SH3KBP1: variants seen among roughly 807,000 people sequenced by gnomAD.
The protein encoded by SH3KBP1 is SH3 domain-containing kinase-binding protein 1.
SH3KBP1 carries 8 observed loss-of-function variants against 50.1 expected under a neutral mutation model. That is an observed-to-expected ratio of 0.16 (90% CI 0.09 to 0.29). The LOEUF is 0.29. SH3KBP1 is among the 10% of genes least tolerant of loss of function. The probability of loss-of-function intolerance (pLI) is 1.00; values close to 1 mark genes in which losing one functional copy is unlikely to be tolerated. For missense variants in SH3KBP1, 377 were observed against 535.2 expected, an observed-to-expected ratio of 0.70 and a Z score of 2.92; for synonymous variants, 227 against 218.6, an observed-to-expected ratio of 1.04 and a Z score of -0.34.
chrX:19,865,476 G>A (rs1166242649), intron 1 of SH3KBP1, among the ~76,000 whole-genome samples: 1 of 112,299 alleles, frequency 8.9e-6, no homozygotes, highest in Non-Finnish European at 1.9e-5. Flanking sequence ...TATTTCAATA[G>A]ATTTGGATTC....
Position 19,537,708 on chromosome X carries a change from G to C in SH3KBP1, c.1956+9C>G, listed in dbSNP as rs1288162908. ...GGACTCACGGGCAGCAGAACCCAAA[G>C]GGACGCACCTGCAACCGAAGCCGGA... On this transcript the variant is annotated intron_variant, in intron 17 of 17. Transcript: ENST00000397821. 9 of 1,205,612 alleles carry C rather than the reference G, an allele frequency of 7.5e-6. No individual in the cohort carries two copies. In the Admixed American group the frequency reaches 2.0e-4, roughly 26 times the overall value.
intron 13 of SH3KBP1, among the ~76,000 whole-genome samples, chrX:19,554,471 G>A (rs1044946351): frequency 6.9e-4 from 72 of 104,400 alleles, no homozygotes; most frequent in Non-Finnish European, 9.7e-4. Flanking sequence ...GTACAATCGC[G>A]GCTCACTGCA....
intron 16 of SH3KBP1, among the ~76,000 whole-genome samples, chrX:19,540,900 C>G (rs1425979189): frequency 3.6e-5 from 4 of 111,311 alleles, no homozygotes; most frequent in Non-Finnish European, 1.9e-5. Flanking sequence ...CCTCAGTTTA[C>G]TCAGAGCAGT....
At chrX:19,627,062 C>G in intron 8 of SH3KBP1, among the ~76,000 whole-genome samples, 1 of 112,095 alleles carries the variant, frequency 8.9e-6, no homozygotes. Flanking sequence ...GTTGGGTATG[C>G]TTAAGGGTCA....
At chrX:19,782,810 C>A (rs2066220707) in intron 2 of SH3KBP1, among the ~76,000 whole-genome samples, 1 of 111,467 alleles carries the variant, frequency 9.0e-6, no homozygotes. Flanking sequence ...ATGCCTTTCT[C>A]CAGTTCAAAT....
At chrX:19,781,426 T>C (rs1357289508) in intron 2 of SH3KBP1, among the ~76,000 whole-genome samples, 1 of 110,434 alleles carries the variant, frequency 9.1e-6, no homozygotes, top group Non-Finnish European at 1.9e-5. Flanking sequence ...TAGACCAGCC[T>C]AGGCAACATA....
chrX:19,677,557 A>G (rs2062957585), intron 6 of SH3KBP1, among the ~76,000 whole-genome samples: 1 of 111,961 alleles, frequency 8.9e-6, no homozygotes, highest in African/African-American at 3.3e-5. Context: ...CAGTCCCACA[A>G]GAACTTCCAA....
chrX:19,701,667 C>T (rs1386730892), intron 4 of SH3KBP1, among the ~76,000 whole-genome samples: 1 of 112,098 alleles, frequency 8.9e-6, no homozygotes, highest in African/African-American at 3.2e-5. Flanking sequence ...TTAAATTCCT[C>T]TCTCGTTCGT....
At chrX:19,629,838 A>C (rs1428070344) in intron 8 of SH3KBP1, among the ~76,000 whole-genome samples, 1 of 112,616 alleles carries the variant, frequency 8.9e-6, no homozygotes, top group African/African-American at 3.2e-5. Flanking sequence ...GCTTTCAAAT[A>C]CGTTAATCTA....
rs191595705 is a variant in SH3KBP1, at chrX:19,729,961, A to G, written c.286+16357T>C. Among the ~76,000 whole-genome samples, 156 of 111,725 alleles carry G rather than the reference A, an allele frequency of 1.4e-3. 1 individual carries two copies. The highest frequency in any genetic ancestry group is 1.4e-3 in the Non-Finnish European group (76 of 53,084). ...ATTTCTAGTGTATGCTGGTTTTCCC[A>G]TCCCTAACCACACAGTGCCAGACCC... On this transcript the variant is annotated intron_variant, in intron 3 of 17. Transcript: ENST00000397821.
intron 9 of SH3KBP1, among the ~76,000 whole-genome samples, chrX:19,603,696 C>CT (rs1214642277): frequency 3.6e-5 from 4 of 110,937 alleles, no homozygotes; most frequent in East Asian, 2.8e-4. Flanking sequence ...CTGAGATTTA[C>CT]TTTTTTTTTG....
At chrX:19,626,530 G>A (rs1194552259) in intron 8 of SH3KBP1, among the ~76,000 whole-genome samples, 1 of 111,287 alleles carries the variant, frequency 9.0e-6, no homozygotes, top group Admixed American at 9.5e-5. Flanking sequence ...CTGTGTTGGG[G>A]ATGCCACTAA....
intron 17 of SH3KBP1, among the ~76,000 whole-genome samples, chrX:19,536,830 C>G (rs1227263559): frequency 1.8e-5 from 2 of 111,769 alleles, no homozygotes; most frequent in African/African-American, 3.3e-5. Flanking sequence ...CTGTCAGCAC[C>G]CCCAAAATGA....
At chrX:19,857,862 C>T (rs1283758499) in intron 1 of SH3KBP1, among the ~76,000 whole-genome samples, 1 of 111,589 alleles carries the variant, frequency 9.0e-6, no homozygotes, top group Non-Finnish European at 1.9e-5. Context: ...CTACCTTTGC[C>T]ACTATGATAA....
At chrX:19,711,251 A>T (rs1381796119) in intron 3 of SH3KBP1, among the ~76,000 whole-genome samples, 2 of 111,571 alleles carry the variant, frequency 1.8e-5, no homozygotes, top group African/African-American at 6.5e-5. Flanking sequence ...AAAAACCACA[A>T]ATCAGGAGCT....
chrX:19,785,683 C>A (rs1039359814), intron 2 of SH3KBP1, among the ~76,000 whole-genome samples: 4 of 111,957 alleles, frequency 3.6e-5, no homozygotes, highest in Non-Finnish European at 7.5e-5. Flanking sequence ...GCCCAAGTAT[C>A]TATCAATGAC....
intron 8 of SH3KBP1, among the ~76,000 whole-genome samples, chrX:19,625,039 G>A (rs934700956): frequency 1.8e-5 from 2 of 112,051 alleles, no homozygotes; most frequent in Admixed American, 9.5e-5. Context: ...AGCTTCAGCA[G>A]TTCAGAGAGA....
chrX:19,831,795 A>AAAAAAAAAAAAG (rs1171207030), intron 2 of SH3KBP1, among the ~76,000 whole-genome samples: 1 of 106,420 alleles, frequency 9.4e-6, no homozygotes. Flanking sequence ...CCATCCCAAA[A>AAAAAAAAAAAAG]AAAAAAAAAG....
At chrX:19,770,732 T>C (rs1054937985) in intron 2 of SH3KBP1, among the ~76,000 whole-genome samples, 1 of 109,845 alleles carries the variant, frequency 9.1e-6, no homozygotes, top group Non-Finnish European at 1.9e-5. Context: ...TTTTTAATAA[T>C]AGCCATTCTG....
Sources: gnomAD v4.1 joint callset for allele counts (sites outside exome capture counted in the v4.1 genomes callset) on GRCh38, gnomAD v4.1.1 for gene constraint, MANE v1.5 for transcripts, NCBI Gene and HGNC (gene_info 2026-07-23, HGNC 2026-07-21) for gene names.